The following SGPP1 variants were observed in gnomAD, a reference collection of about 807,000 sequenced individuals.
The protein encoded by SGPP1 is hSPP1.
Under a neutral mutation model 33.0 loss-of-function variants are expected in SGPP1, and 21 were observed. The observed-to-expected ratio is 0.64, with a 90% CI of 0.45 to 0.92. The LOEUF (loss-of-function observed/expected upper bound fraction) is 0.92. SGPP1 is among the 40% of genes least tolerant of loss of function. SGPP1 has a pLI of 0.00. For missense variants in SGPP1, 543 were observed against 589.4 expected, an observed-to-expected ratio of 0.92 and a Z score of 0.81; for synonymous variants, 239 against 241.2, an observed-to-expected ratio of 0.99 and a Z score of 0.08.
intron 1 of SGPP1, among the ~76,000 whole-genome samples, chr14:63,724,072 G>A (rs2139657111): frequency 6.6e-6 from 1 of 151,968 alleles, no homozygotes; most frequent in South Asian, 2.1e-4. Context: ...CAGAGACAGG[G>A]TCTCGCTATA....
intron 1 of SGPP1, among the ~76,000 whole-genome samples, chr14:63,718,528 TAAC>T (rs1885678673): frequency 6.6e-6 from 1 of 151,964 alleles, no homozygotes; most frequent in African/African-American, 2.4e-5. Flanking sequence ...ACAAAAATAA[TAAC>T]GATGAATTGT....
intron 1 of SGPP1, among the ~76,000 whole-genome samples, chr14:63,723,931 G>A (rs1230457356): frequency 1.3e-5 from 2 of 151,866 alleles, no homozygotes; most frequent in Non-Finnish European, 1.5e-5. Context: ...AGGCTGAAGT[G>A]CAGTGGTGCA....
intron 2 of SGPP1, among the ~76,000 whole-genome samples, chr14:63,693,055 A>G (rs1885118116): frequency 6.6e-6 from 1 of 152,020 alleles, no homozygotes; most frequent in Admixed American, 6.6e-5. Flanking sequence ...CCACCTCCCA[A>G]GTAGCTGGGA....
chr14:63,710,106 T>A (rs1566822768), intron 1 of SGPP1, among the ~76,000 whole-genome samples: 1 of 152,192 alleles, frequency 6.6e-6, no homozygotes, highest in African/African-American at 2.4e-5. Context: ...ATGAATAGTG[T>A]ACATGTAAAC....
intron 1 of SGPP1, among the ~76,000 whole-genome samples, chr14:63,701,050 G>A (rs1349681419): frequency 1.3e-5 from 2 of 151,704 alleles, no homozygotes; most frequent in East Asian, 1.9e-4. Flanking sequence ...GCATGATCTC[G>A]GCTCACTGCA....
chr14:63,717,557 C>T (rs890816541), intron 1 of SGPP1, among the ~76,000 whole-genome samples: 98 of 151,868 alleles, frequency 6.5e-4, no homozygotes, highest in Admixed American at 1.3e-4. Flanking sequence ...CTCCTGACCT[C>T]GTGATCCGCC....
chr14:63,718,993 TATATATATATATATATATATA>T (rs1466153070), intron 1 of SGPP1, among the ~76,000 whole-genome samples: 42 of 19,720 alleles, frequency 2.1e-3, no homozygotes, highest in African/African-American at 3.0e-3. Flanking sequence ...TATATATATA[TATATATATATATATATATATA>T]TTTTTTTTTT....
chr14:63,689,281 T>G (rs910621081), intron 2 of SGPP1, among the ~76,000 whole-genome samples: 1 of 152,088 alleles, frequency 6.6e-6, no homozygotes. Context: ...CAAGCATGAA[T>G]TTTGGCTTCA....
At chr14:63,695,855 G>A (rs1045665704) in intron 2 of SGPP1, among the ~76,000 whole-genome samples, 5 of 152,196 alleles carry the variant, frequency 3.3e-5, no homozygotes, top group Admixed American at 2.0e-4. Context: ...AGATTGCAGT[G>A]AGCTATGTTT....
At chr14:63,718,354 C>T (rs991799287) in intron 1 of SGPP1, among the ~76,000 whole-genome samples, 1 of 151,422 alleles carries the variant, frequency 6.6e-6, no homozygotes, top group African/African-American at 2.4e-5. Flanking sequence ...AATATTTTTC[C>T]AAAATTAATT....
intron 2 of SGPP1, among the ~76,000 whole-genome samples, chr14:63,697,158 T>C (rs1050513467): frequency 2.0e-5 from 3 of 152,136 alleles, no homozygotes; most frequent in Non-Finnish European, 2.9e-5. Flanking sequence ...AATCTGCTTA[T>C]GTACCCCTTG....
At chr14:63,697,136 C>A (rs546925562) in intron 2 of SGPP1, among the ~76,000 whole-genome samples, 6 of 152,226 alleles carry the variant, frequency 3.9e-5, no homozygotes, top group African/African-American at 9.6e-5. Context: ...ACACAATATA[C>A]CTTTGCAAAC....
intron 2 of SGPP1, among the ~76,000 whole-genome samples, chr14:63,687,537 G>T (rs181230395): frequency 6.6e-6 from 1 of 152,264 alleles, no homozygotes; most frequent in African/African-American, 2.4e-5. Flanking sequence ...TGAAGGACCC[G>T]ATTAGAGTAC....
chr14:63,715,545 A>G (rs1397031111), intron 1 of SGPP1, among the ~76,000 whole-genome samples: 7 of 152,188 alleles, frequency 4.6e-5, no homozygotes, highest in Non-Finnish European at 7.3e-5. Flanking sequence ...GAAAAGGGAA[A>G]CAAATGAGCC....
At chr14:63,715,156 G>A (rs1885597192) in intron 1 of SGPP1, among the ~76,000 whole-genome samples, 1 of 151,544 alleles carries the variant, frequency 6.6e-6, no homozygotes, top group Non-Finnish European at 1.5e-5. Flanking sequence ...TGGGATTACA[G>A]GCGCCTGCCA....
At chr14:63,705,409 T>C (rs1885389048) in intron 1 of SGPP1, among the ~76,000 whole-genome samples, 1 of 151,396 alleles carries the variant, frequency 6.6e-6, no homozygotes, top group Non-Finnish European at 1.5e-5. Flanking sequence ...GGCTCACACT[T>C]GTAATCCCAG....
Position 63,686,116 on chromosome 14 carries a change from C to T in SGPP1, c.1315G>A (p.Gly439Ser). Residue 439 changes from glycine (G) to serine (S), a missense_variant, in exon 3 of 3, where the codon GGT (glycine) becomes AGT (serine). Transcript: ENST00000247225. ...FFVPYIFFFIGIS is the reference protein window; with the variant it reads ...FFVPYIFFFISIS ...ACAATACTTCTCCATCAAGAGATAC[C>T]AATAAAGAAAAATATGTAAGGAACA... 1.8e-5 allele frequency: 29 copies of T among 1,586,220 alleles called. No homozygotes were observed. Among genetic ancestry groups the T allele is most frequent in the Non-Finnish European group, 2.4e-5 (28 of 1,163,628 alleles).
At chr14:63,695,756 T>G (rs1885174910) in intron 2 of SGPP1, among the ~76,000 whole-genome samples, 1 of 151,960 alleles carries the variant, frequency 6.6e-6, no homozygotes, top group African/African-American at 2.4e-5. Flanking sequence ...ACAAAAAATT[T>G]AAAAATTAGC....
chr14:63,726,588 CA>C (rs543372863), intron 1 of SGPP1, among the ~76,000 whole-genome samples: 293 of 152,248 alleles, frequency 1.9e-3, no homozygotes, highest in Non-Finnish European at 3.3e-3. Flanking sequence ...GAGGCAATAA[CA>C]CTATAGTATT....
Sources: gnomAD v4.1 joint callset for allele counts (sites outside exome capture counted in the v4.1 genomes callset) on GRCh38, gnomAD v4.1.1 for gene constraint, MANE v1.5 for transcripts, NCBI Gene and HGNC (gene_info 2026-07-23, HGNC 2026-07-21) for gene names.